The following PPP3CA variants were observed in gnomAD, a reference collection of about 807,000 sequenced individuals.
PPP3CA encodes the protein protein phosphatase 3 catalytic subunit alpha.
A neutral mutation model predicts 66.5 loss-of-function variants in PPP3CA; 14 were observed. The observed-to-expected ratio is 0.21, with a 90% CI of 0.14 to 0.33. PPP3CA has a LOEUF of 0.33. PPP3CA is among the 10% of genes least tolerant of loss of function. The pLI, the probability that PPP3CA is intolerant of heterozygous loss-of-function variation, is 1.00. For missense variants in PPP3CA, 317 were observed against 639.5 expected (o/e 0.50, Z 5.44); for synonymous variants, 232 against 226.2 (o/e 1.03, Z -0.23).
intron 2 of PPP3CA, 122 bp downstream of exon 2, chr4:101,195,794 A>G: frequency 1.3e-6 from 1 of 746,166 alleles, no homozygotes. Flanking sequence ...GTATAGATTC[A>G]ACAGTAAAAG....
intron 1 of PPP3CA, among the ~76,000 whole-genome samples, chr4:101,302,131 C>T (rs189046465): frequency 1.3e-3 from 191 of 151,948 alleles, no homozygotes; most frequent in African/African-American, 4.5e-3. Flanking sequence ...TGTATAAATG[C>T]TGTAGATAGA....
In PPP3CA at chr4:101,255,388, G is replaced by A. The variant is rs532132792; in HGVS notation, c.59-59272C>T. 2.6e-5 allele frequency among the ~76,000 whole-genome samples: 4 copies of A among 151,854 alleles called. No homozygotes were observed. In the South Asian group the frequency reaches 6.2e-4, roughly 24 times the overall value. Reference sequence around the variant, plus strand: ...TAATGTCTCCATGTTATTTACATGCGCTACTTGCAAGTGAAAATTACAGTT... The same window carrying A: ...TAATGTCTCCATGTTATTTACATGCACTACTTGCAAGTGAAAATTACAGTT... On this transcript the variant is annotated intron_variant, in intron 1 of 13. Transcript: ENST00000394854.
At chr4:101,127,232 C>A (rs1402816104) in intron 2 of PPP3CA, among the ~76,000 whole-genome samples, 1 of 151,866 alleles carries the variant, frequency 6.6e-6, no homozygotes, top group African/African-American at 2.4e-5. Flanking sequence ...CATCCAGTTC[C>A]TCTACTTTGA....
chr4:101,110,173 CA>C (rs1721623154), intron 2 of PPP3CA, among the ~76,000 whole-genome samples: 1 of 152,138 alleles, frequency 6.6e-6, no homozygotes, highest in Admixed American at 6.5e-5. Flanking sequence ...GCTGCTTCTG[CA>C]ACACTAAGAG....
intron 1 of PPP3CA, among the ~76,000 whole-genome samples, chr4:101,327,245 T>TCAAATATTGTGACTGAAC (rs1729235842): frequency 1.3e-5 from 2 of 152,204 alleles, no homozygotes; most frequent in African/African-American, 4.8e-5. Context: ...TGAAGTCTAA[T>TCAAATATTGTGACTGAAC]CAAATATTGT....
chr4:101,265,417 C>T (rs1210693101), intron 1 of PPP3CA, among the ~76,000 whole-genome samples: 1 of 152,056 alleles, frequency 6.6e-6, no homozygotes, highest in East Asian at 1.9e-4. Context: ...CCCATGTCTG[C>T]TTTCTTCAAG....
chr4:101,180,201 G>A (rs745369227), intron 2 of PPP3CA, among the ~76,000 whole-genome samples: 1 of 152,156 alleles, frequency 6.6e-6, no homozygotes, highest in Non-Finnish European at 1.5e-5. Flanking sequence ...TGGATTAAAT[G>A]TGCTGTGGTA....
intron 1 of PPP3CA, among the ~76,000 whole-genome samples, chr4:101,224,344 T>C (rs1429110391): frequency 1.3e-5 from 2 of 151,802 alleles, no homozygotes; most frequent in African/African-American, 4.8e-5. Flanking sequence ...TTCATTCTGT[T>C]GTACCCCTAC....
chr4:101,332,349 T>A (rs962637248), intron 1 of PPP3CA, among the ~76,000 whole-genome samples: 7 of 152,250 alleles, frequency 4.6e-5, no homozygotes, highest in African/African-American at 1.4e-4. Flanking sequence ...CATCAACATT[T>A]AGGATTCAGT....
At chr4:101,223,739 A>AT (rs1725697044) in intron 1 of PPP3CA, among the ~76,000 whole-genome samples, 1 of 151,910 alleles carries the variant, frequency 6.6e-6, no homozygotes, top group African/African-American at 2.4e-5. Flanking sequence ...TGAAAACTTC[A>AT]TAACTTCAGT....
chr4:101,083,227 G>A lies in PPP3CA; in HGVS notation c.819C>T (p.Asn273=). 6.2e-7 allele frequency: 1 copy of A among 1,605,436 alleles called. No homozygotes were observed. Among genetic ancestry groups the A allele is most frequent in the African/African-American group, 1.3e-5 (1 of 74,666 alleles). Residue 273 remains asparagine, a synonymous_variant, in exon 7 of 14, where the codon AAC becomes AAT. Coordinates refer to ENST00000394854, the MANE Select transcript of PPP3CA (RefSeq NM_000944.5). ...CGTGGGCTCGGAGTATAGATAACAAGTTATTGTGCTGTAAGAATTCACATA... is the reference window on the plus strand; with the variant it reads ...CGTGGGCTCGGAGTATAGATAACAAATTATTGTGCTGTAAGAATTCACATA... ...PAVCEFLQHN[N]LLSILRAHEA... is the part of the protein sequence containing the mutation.
chr4:101,121,264 A>G (rs1474272054), intron 2 of PPP3CA, among the ~76,000 whole-genome samples: 1 of 152,124 alleles, frequency 6.6e-6, no homozygotes, highest in Non-Finnish European at 1.5e-5. Context: ...TTGATAAGTT[A>G]TTAAACTGCT....
At chr4:101,267,946 A>G (rs1727220563) in intron 1 of PPP3CA, among the ~76,000 whole-genome samples, 1 of 152,248 alleles carries the variant, frequency 6.6e-6, no homozygotes, top group East Asian at 1.9e-4. Context: ...TTCAGGGACT[A>G]TATTTGATAG....
At chr4:101,243,063 T>G (rs2850359) in intron 1 of PPP3CA, among the ~76,000 whole-genome samples, 51,405 of 151,990 alleles carry the variant, frequency 0.34, 9,696 homozygotes, top group East Asian at 0.69. Flanking sequence ...TCCAAAACAA[T>G]AATGACTCAA....
At chr4:101,247,213 G>A (rs1294773528) in intron 1 of PPP3CA, among the ~76,000 whole-genome samples, 2 of 151,420 alleles carry the variant, frequency 1.3e-5, no homozygotes, top group Admixed American at 6.6e-5. Context: ...CCAGGCTGGA[G>A]TGCAGTGGTG....
At chr4:101,064,181 C>A (rs767591874) in intron 8 of PPP3CA, among the ~76,000 whole-genome samples, 1 of 151,940 alleles carries the variant, frequency 6.6e-6, no homozygotes, top group Non-Finnish European at 1.5e-5. Flanking sequence ...AATCTGCATG[C>A]TTCATGTCTC....
chr4:101,211,685 C>T (rs563327020), intron 1 of PPP3CA, among the ~76,000 whole-genome samples: 46 of 152,238 alleles, frequency 3.0e-4, no homozygotes, highest in African/African-American at 1.1e-3. Flanking sequence ...TTGGGTTCTA[C>T]ACAAAATAAA....
chr4:101,255,035 C>CAA (rs1163406764), intron 1 of PPP3CA, among the ~76,000 whole-genome samples: 65 of 44,646 alleles, frequency 1.5e-3, no homozygotes, highest in African/African-American at 3.6e-3. Context: ...AGTCCCGTCT[C>CAA]AAAAAAAAAA....
chr4:101,282,975 T>C (rs1389718115), intron 1 of PPP3CA, among the ~76,000 whole-genome samples: 3 of 152,240 alleles, frequency 2.0e-5, no homozygotes, highest in African/African-American at 7.2e-5. Context: ...GGTTCATATG[T>C]ATTAAATAAT....
Sources: gnomAD v4.1 joint callset for allele counts (sites outside exome capture counted in the v4.1 genomes callset) on GRCh38, gnomAD v4.1.1 for gene constraint, MANE v1.5 for transcripts, NCBI Gene and HGNC (gene_info 2026-07-23, HGNC 2026-07-21) for gene names.